TET2: variants seen among roughly 807,000 people sequenced by gnomAD.
TET2 encodes methylcytosine dioxygenase TET2.
TET2 carries 299 observed loss-of-function variants against 142.9 expected under a neutral mutation model. The ratio of observed to expected loss-of-function variants is 2.09; its 90% CI spans 1.90 to 2.30. TET2 has a LOEUF of 2.30. Among genes scored for constraint, TET2 ranks in the 30% most tolerant of loss-of-function variants. The pLI is 0.00. For synonymous variants in TET2, 819 were observed against 849.0 expected (o/e 0.96, Z 0.61); for missense variants, 2,418 against 2,378.0 (o/e 1.02, Z -0.35).
rs1728972687 is a variant in TET2 at position 105,236,978 on chromosome 4, AC to A, written c.3038del (p.Pro1013LeufsTer20). On this transcript the variant is annotated frameshift_variant, in exon 3 of 11. Coordinates refer to ENST00000380013, the MANE Select transcript of TET2 (RefSeq NM_001127208.3). LOFTEE classifies it high-confidence loss of function. ...AAAAGGTAACTAAGCAAGAGAATCC[AC>A]CTGCAAGCTGTGATAATGTGCAGCA... ...WKKVTKQENPPASCDNVQQKS... is the reference protein window; with the variant it reads ...WKKVTKQENPXASCDNVQQKS... 6.2e-7 allele frequency: 1 copy of A among 1,614,150 alleles called. No individual in the cohort carries two copies. Among genetic ancestry groups the A allele is most frequent in the Non-Finnish European group, 8.5e-7 (1 of 1,180,014 alleles).
rs563673467 is a variant in TET2, at chr4:105,276,039, C to A, written c.5529C>A (p.Asn1843Lys). The change falls in exon 11 of 11, where the codon AAC becomes AAA. Residue 1843 changes from asparagine to lysine, a missense_variant. By Grantham distance (94) the Asn-to-Lys change is moderately conservative. Transcript: ENST00000380013. ...VQGVASGAED[N>K]DEVWSDSEQS... The stretch of plus-strand genomic sequence containing the variant: ...GTGTGGCTTCTGGTGCAGAGGACAA[C>A]GATGAGGTCTGGTCAGACAGCGAGC... 8 of 1,551,574 alleles carry A rather than the reference C, an allele frequency of 5.2e-6. No homozygotes were observed. Among genetic ancestry groups the A allele is most frequent in the Non-Finnish European group, 7.0e-6 (8 of 1,146,994 alleles).
intron 9 of TET2, among the ~76,000 whole-genome samples, chr4:105,272,173 CTT>C (rs977270433): frequency 6.6e-6 from 1 of 152,122 alleles, no homozygotes; most frequent in Non-Finnish European, 1.5e-5. Context: ...GTAGAAAAAA[CTT>C]TTAGCCTGTT....
At chr4:105,156,915 G>T (rs1723594839) in intron 1 of TET2, among the ~76,000 whole-genome samples, 1 of 152,048 alleles carries the variant, frequency 6.6e-6, no homozygotes, top group Non-Finnish European at 1.5e-5. Context: ...TCCTGCTTTT[G>T]TTTGAAGTCT....
chr4:105,248,800 G>A (rs780702812), intron 6 of TET2, among the ~76,000 whole-genome samples: 1 of 151,998 alleles, frequency 6.6e-6, no homozygotes, highest in Non-Finnish European at 1.5e-5. Flanking sequence ...TTATTAGGCA[G>A]TCACTTCCCC....
chr4:105,261,206 G>T (rs1029762012), intron 7 of TET2, among the ~76,000 whole-genome samples: 1 of 152,032 alleles, frequency 6.6e-6, no homozygotes, highest in Non-Finnish European at 1.5e-5. Context: ...GCAGGTGGGG[G>T]TGTAACTGAG....
rs1287007583 is a variant in TET2 at position 105,193,705 on chromosome 4, C to T, written c.-47+3200C>T. Among the ~76,000 whole-genome samples, 9 of 152,152 alleles carry T rather than the reference C, an allele frequency of 5.9e-5. No individual in the cohort carries two copies. The East Asian group carries it at 1.7e-3, about 29-fold the overall frequency. On this transcript the variant is annotated intron_variant, in intron 2 of 10. Coordinates refer to ENST00000380013, the MANE Select transcript of TET2 (RefSeq NM_001127208.3). Reference sequence around the variant, plus strand: ...CTAAAATTTTCAAAATGATTAATTACGTGTTGGTATTAAAAGAAATAGGGA... The same window carrying T: ...CTAAAATTTTCAAAATGATTAATTATGTGTTGGTATTAAAAGAAATAGGGA...
chr4:105,271,119 T>G (rs756386056), intron 9 of TET2, among the ~76,000 whole-genome samples: 29 of 152,232 alleles, frequency 1.9e-4, no homozygotes, highest in Non-Finnish European at 3.2e-4. Flanking sequence ...TTTGTTTATT[T>G]TGTTTTTTAA....
At chr4:105,218,023 A>G (rs1727597689) in intron 2 of TET2, among the ~76,000 whole-genome samples, 1 of 152,114 alleles carries the variant, frequency 6.6e-6, no homozygotes, top group African/African-American at 2.4e-5. Context: ...TTTTAATTAA[A>G]CTCACATGAG....
At chr4:105,181,989 ATATTT>A (rs1344015492) in intron 1 of TET2, among the ~76,000 whole-genome samples, 2 of 152,072 alleles carry the variant, frequency 1.3e-5, no homozygotes. Flanking sequence ...TATTATGAAA[ATATTT>A]TATGTAATTT....
At chr4:105,186,276 G>A (rs913260550) in intron 1 of TET2, among the ~76,000 whole-genome samples, 3 of 152,032 alleles carry the variant, frequency 2.0e-5, no homozygotes, top group Non-Finnish European at 4.4e-5. Flanking sequence ...ATGTGTGTGG[G>A]AATGAGAACA....
At chr4:105,274,104 T>G (rs1457916545) in intron 10 of TET2, among the ~76,000 whole-genome samples, 1 of 152,228 alleles carries the variant, frequency 6.6e-6, no homozygotes, top group Non-Finnish European at 1.5e-5. Flanking sequence ...TATTGACTGG[T>G]TGACTTAACA....
At chr4:105,237,885 T>G in intron 3 of TET2, 4 of 1,047,810 alleles carry the variant, frequency 3.8e-6, no homozygotes, top group Non-Finnish European at 4.7e-6. Flanking sequence ...AAAGTTTCCT[T>G]TTCTCCATTT....
At chr4:105,172,684 A>G (rs1302483213) in intron 1 of TET2, 2 of 152,228 alleles carry the variant, frequency 1.3e-5, no homozygotes, top group South Asian at 2.1e-4. Flanking sequence ...CTGTATGTTT[A>G]TGAGAAACAT....
rs1731034319 is a variant in TET2 at position 105,272,872 on chromosome 4, A to C, written c.4491A>C (p.Ser1497=). Residue 1497 remains serine, a synonymous_variant, in exon 10 of 11, where the codon TCA becomes TCC. Transcript: ENST00000380013. ...NKNEKEKSAP[S]RTKQTENASQ... ...ATGAAAAGGAAAAGTCAGCCCCATC[A>C]CGTACAAAACAAACTGAAAACGCAA... 1.3e-6 allele frequency: 2 copies of C among 1,545,804 alleles called. No individual in the cohort carries two copies. The highest frequency in any genetic ancestry group is 1.4e-5 in the African/African-American group (1 of 72,368).
rs776823742 is a variant in TET2 at position 105,276,453 on chromosome 4, C to T, written c.5943C>T (p.Asp1981=). 5 of 1,551,706 alleles carry T rather than the reference C, an allele frequency of 3.2e-6. No homozygotes were observed. The African/African-American group carries it at 6.8e-5, about 21-fold the overall frequency. The change falls in exon 11 of 11, where the codon GAC becomes GAT. Residue 1981 remains aspartate (D), a synonymous_variant. Coordinates refer to ENST00000380013, the MANE Select transcript of TET2 (RefSeq NM_001127208.3). The part of the protein sequence containing the change: ...LAERTMSVTT[D]STVTTSPYAF... ...AAAGGACCATGTCCGTGACCACAGA[C>T]TCCACAGTAACTACATCTCCATATG...
chr4:105,205,806 C>G (rs11932794), intron 2 of TET2, among the ~76,000 whole-genome samples: 13,985 of 151,740 alleles, frequency 0.092, 1,823 homozygotes, highest in African/African-American at 0.29. Flanking sequence ...TAATTTTTTT[C>G]TATTTTTAGT....
At chr4:105,237,508 C>T (rs2110239166) in intron 3 of TET2, 157 bp downstream of exon 3, 6 of 1,600,046 alleles carry the variant, frequency 3.7e-6, no homozygotes, top group Admixed American at 3.5e-5. Context: ...TGTCAAGTTA[C>T]CGATGCTTGT....
intron 1 of TET2, among the ~76,000 whole-genome samples, chr4:105,188,589 G>T (rs1263370601): frequency 2.0e-5 from 3 of 152,140 alleles, no homozygotes. Context: ...TATTTATGAG[G>T]CTAAAAGTGG....
chr4:105,251,327 T>G (rs1043422482), intron 6 of TET2, among the ~76,000 whole-genome samples: 2 of 152,148 alleles, frequency 1.3e-5, no homozygotes, highest in South Asian at 2.1e-4. Context: ...AGAAAGAAAT[T>G]TTTAGTTTTT....
Sources: gnomAD v4.1 joint callset for allele counts (sites outside exome capture counted in the v4.1 genomes callset) on GRCh38, gnomAD v4.1.1 for gene constraint, MANE v1.5 for transcripts, NCBI Gene and HGNC (gene_info 2026-07-23, HGNC 2026-07-21) for gene names.